Variants in PRH1 observed in about 807,000 individuals in gnomAD.
PRH1 encodes the protein proline rich protein HaeIII subfamily 1.
In PRH1, 7 loss-of-function variants were observed where a neutral mutation model predicts 7.9. That is an observed-to-expected ratio of 0.89 (90% CI 0.50 to 1.67). PRH1 has a LOEUF of 1.67. Ranked by LOEUF, PRH1 falls within the 40% of genes most tolerant of loss-of-function variation. PRH1 has a pLI of 0.00. For synonymous variants in PRH1, 45 were observed against 80.8 expected (o/e 0.56, Z 2.38); for missense variants, 109 against 223.6 (o/e 0.49, Z 3.27).
intron 1 of PRH1, chr12:11,062,228 C>T: frequency 1.2e-6 from 2 of 1,613,156 alleles, no homozygotes; most frequent in Non-Finnish European, 1.7e-6. Flanking sequence ...AAGCCATTAG[C>T]AAAATTTCCA....
intron 1 of PRH1, among the ~76,000 whole-genome samples, chr12:10,988,638 A>T (rs1939769132): frequency 6.6e-6 from 1 of 152,108 alleles, no homozygotes; most frequent in Admixed American, 6.5e-5. Flanking sequence ...GAAAACTAAG[A>T]TGGTAAACAT....
chr12:11,155,807 G>A (rs1302912502), intron 1 of PRH1, among the ~76,000 whole-genome samples: 2 of 152,092 alleles, frequency 1.3e-5, no homozygotes, highest in East Asian at 3.9e-4. Context: ...ATACTACCAT[G>A]GGCATTATTT....
chr12:11,083,746 T>G (rs189058669), intron 1 of PRH1, among the ~76,000 whole-genome samples: 1 of 152,412 alleles, frequency 6.6e-6, no homozygotes, highest in Non-Finnish European at 1.5e-5. Context: ...ATGTCTCACT[T>G]TAGAATTTCA....
chr12:11,009,014 C>T (rs1016579319), intron 1 of PRH1, among the ~76,000 whole-genome samples: 2 of 138,922 alleles, frequency 1.4e-5, no homozygotes, highest in South Asian at 6.2e-4. Context: ...TTATCAATTA[C>T]ACCTTTAGTC....
chr12:10,997,263 G>A (rs781554807), intron 1 of PRH1: 1 of 1,614,082 alleles, frequency 6.2e-7, no homozygotes, highest in Non-Finnish European at 8.5e-7. Context: ...TTCTTCAGAT[G>A]TTTACACAGA....
At chr12:11,009,392 A>C (rs147430824) in intron 1 of PRH1, among the ~76,000 whole-genome samples, 19 of 151,856 alleles carry the variant, frequency 1.3e-4, no homozygotes, top group African/African-American at 3.4e-4. Context: ...ATCTTGTCCA[A>C]AATTTGATGG....
intron 1 of PRH1, chr12:11,133,323 G>C: frequency 6.2e-7 from 1 of 1,613,684 alleles, no homozygotes; most frequent in Non-Finnish European, 8.5e-7. Flanking sequence ...AATCTATGGA[G>C]ACGAAGGCTT....
intron 1 of PRH1, among the ~76,000 whole-genome samples, chr12:11,111,249 C>T (rs1414924196): frequency 6.6e-6 from 1 of 152,162 alleles, no homozygotes; most frequent in Non-Finnish European, 1.5e-5. Flanking sequence ...ATCAATGAGA[C>T]AGAAAATTAA....
chr12:10,977,788 G>C (rs1939171904), intron 1 of PRH1, among the ~76,000 whole-genome samples: 1 of 151,946 alleles, frequency 6.6e-6, no homozygotes, highest in South Asian at 2.1e-4. Flanking sequence ...GACAAATAAA[G>C]AAAGCAATCC....
chr12:11,071,164 C>T (rs1944049709), intron 1 of PRH1, among the ~76,000 whole-genome samples: 1 of 118,522 alleles, frequency 8.4e-6, no homozygotes, highest in Non-Finnish European at 2.0e-5. Context: ...AATTTGCAGA[C>T]CAAACACACC....
chr12:10,904,636 A>G (rs931357402), intron 2 of PRH1, among the ~76,000 whole-genome samples: 2 of 152,170 alleles, frequency 1.3e-5, no homozygotes, highest in African/African-American at 4.8e-5. Flanking sequence ...TTTATGACTA[A>G]GTCCCCAAAA....
In PRH1 at chr12:11,022,035, T is replaced by TA. The variant is rs746444973; in HGVS notation, c.-126+24984dup. 2.5e-6 allele frequency: 4 copies of TA among 1,613,954 alleles called. No homozygotes were observed. The Admixed American group carries it at 6.7e-5, about 27-fold the overall frequency. ...AGGGTATGAGGTTTGCTAGAGTAGTTACAGTCAAGCTTGAAAGGTGTATTG... is the reference window on the plus strand; with the variant it reads ...AGGGTATGAGGTTTGCTAGAGTAGTTAACAGTCAAGCTTGAAAGGTGTATTG... On this transcript the variant is annotated intron_variant, in intron 1 of 3. Coordinates refer to the PRH1 transcript ENST00000539853.
chr12:11,019,457 A>G (rs1324712765), intron 1 of PRH1, among the ~76,000 whole-genome samples: 1 of 152,280 alleles, frequency 6.6e-6, no homozygotes, highest in Non-Finnish European at 1.5e-5. Context: ...AGTTTTAGAC[A>G]CCAAAAGCTA....
intron 1 of PRH1, among the ~76,000 whole-genome samples, chr12:11,152,106 A>C (rs1238389884): frequency 6.7e-6 from 1 of 149,118 alleles, no homozygotes; most frequent in East Asian, 2.0e-4. Flanking sequence ...TTATACTTTA[A>C]GTTTTAGGGT....
intron 1 of PRH1, among the ~76,000 whole-genome samples, chr12:11,054,906 G>A (rs1182985914): frequency 3.7e-5 from 5 of 136,782 alleles, no homozygotes; most frequent in Non-Finnish European, 6.2e-5. Flanking sequence ...TGCAAGCTCC[G>A]CCTCACTGCA....
chr12:10,990,333 G>A (rs1386674680), intron 1 of PRH1, among the ~76,000 whole-genome samples: 1 of 152,152 alleles, frequency 6.6e-6, no homozygotes, highest in African/African-American at 2.4e-5. Context: ...AGGCCTCAAT[G>A]ATTCAGTGAT....
intron 2 of PRH1, among the ~76,000 whole-genome samples, chr12:10,896,360 T>C (rs906385101): frequency 6.6e-6 from 1 of 152,234 alleles, no homozygotes; most frequent in African/African-American, 2.4e-5. Context: ...ATGATCAGCA[T>C]ATTTCTTCAT....
chr12:11,137,039 G>A (rs374846772), intron 1 of PRH1, among the ~76,000 whole-genome samples: 1 of 152,090 alleles, frequency 6.6e-6, no homozygotes, highest in Admixed American at 6.6e-5. Flanking sequence ...GGAAGAAACC[G>A]GAAATTGATT....
chr12:10,955,875 C>A (rs1937929406), intron 2 of PRH1, among the ~76,000 whole-genome samples: 1 of 151,878 alleles, frequency 6.6e-6, no homozygotes, highest in African/African-American at 2.4e-5. Context: ...AAGACTGAAT[C>A]AGTAAGAAAT....
Sources: gnomAD v4.1 joint callset for allele counts (sites outside exome capture counted in the v4.1 genomes callset) on GRCh38, gnomAD v4.1.1 for gene constraint, MANE v1.5 for transcripts, NCBI Gene and HGNC (gene_info 2026-07-23, HGNC 2026-07-21) for gene names.